The following MEF2A variants were observed in gnomAD, a reference collection of about 807,000 sequenced individuals.
The protein encoded by MEF2A is myocyte-specific enhancer factor 2A.
A neutral mutation model predicts 55.8 loss-of-function variants in MEF2A; 28 were observed. The ratio of observed to expected loss-of-function variants is 0.50; its 90% CI spans 0.37 to 0.69. The LOEUF (loss-of-function observed/expected upper bound fraction) is 0.69. Among genes scored for constraint, MEF2A ranks in the 30% least tolerant of loss-of-function variants. The pLI is 0.00. For synonymous variants in MEF2A, 239 were observed against 227.1 expected (o/e 1.05, Z -0.47); for missense variants, 528 against 626.2 (o/e 0.84, Z 1.67).
chr15:99,693,307 CAT>C (rs896454336), intron 8 of MEF2A, among the ~76,000 whole-genome samples: 3 of 152,098 alleles, frequency 2.0e-5, no homozygotes, highest in Non-Finnish European at 4.4e-5. Context: ...AATGGTATAA[CAT>C]ATTTATAATT....
intron 3 of MEF2A, among the ~76,000 whole-genome samples, chr15:99,639,284 G>A (rs1404335075): frequency 6.6e-6 from 1 of 151,920 alleles, no homozygotes. Flanking sequence ...CCACTATCAT[G>A]AATTTACATT....
chr15:99,695,780 A>C (rs2056377840), intron 8 of MEF2A, among the ~76,000 whole-genome samples: 1 of 151,544 alleles, frequency 6.6e-6, no homozygotes, highest in South Asian at 2.1e-4. Context: ...AATCACTTGA[A>C]CCCGGGAGGC....
In MEF2A at chr15:99,716,220, T is replaced by C. The variant is rs1200603219; in HGVS notation, c.*3449T>C. ...GATTTATGTATTTGGTAAATGTTTG[T>C]AGTCAACAGTTCACACAAGAAGCTG... On this transcript the variant is annotated 3_prime_UTR_variant, in exon 12 of 12. Coordinates refer to ENST00000557942, the MANE Select transcript of MEF2A (RefSeq NM_001319206.4). 1 of 225,544 alleles carries C rather than the reference T, an allele frequency of 4.4e-6. No individual in the cohort carries two copies. The highest frequency in any genetic ancestry group is 9.2e-6 in the Non-Finnish European group (1 of 109,170). 14.0% of individuals were successfully genotyped at this position (225,544 alleles called of 1,614,324 possible).
intron 3 of MEF2A, among the ~76,000 whole-genome samples, chr15:99,645,305 C>A (rs113946725): frequency 6.6e-6 from 1 of 152,202 alleles, no homozygotes; most frequent in African/African-American, 2.4e-5. Flanking sequence ...GTGCTTCACC[C>A]TCTGTAGTGG....
At chr15:99,574,753 G>A (rs1274300678) in intron 1 of MEF2A, among the ~76,000 whole-genome samples, 3 of 152,172 alleles carry the variant, frequency 2.0e-5, no homozygotes, top group Non-Finnish European at 4.4e-5. Flanking sequence ...TTGCTGTGTG[G>A]CCCCATTCCT....
intron 1 of MEF2A, among the ~76,000 whole-genome samples, chr15:99,597,226 T>C (rs1971494476): frequency 6.6e-6 from 1 of 152,160 alleles, no homozygotes; most frequent in Non-Finnish European, 1.5e-5. Context: ...GCTGAATTCT[T>C]TTTCTCAGCA....
intron 7 of MEF2A, among the ~76,000 whole-genome samples, chr15:99,682,349 G>A (rs777800590): frequency 2.6e-5 from 4 of 152,182 alleles, no homozygotes; most frequent in African/African-American, 9.7e-5. Context: ...TGTTAGGATA[G>A]TAAATTACCT....
chr15:99,648,737 A>G (rs1287557389), intron 4 of MEF2A, among the ~76,000 whole-genome samples: 1 of 152,154 alleles, frequency 6.6e-6, no homozygotes, highest in African/African-American at 2.4e-5. Flanking sequence ...GTATATTAAC[A>G]TGGCGTCTTC....
intron 3 of MEF2A, among the ~76,000 whole-genome samples, chr15:99,642,076 T>G (rs1205293257): frequency 6.6e-6 from 1 of 152,196 alleles, no homozygotes; most frequent in East Asian, 1.9e-4. Flanking sequence ...TTTTTATGTT[T>G]GAAAATGTTT....
intron 1 of MEF2A, among the ~76,000 whole-genome samples, chr15:99,572,403 T>C (rs1193165587): frequency 6.6e-6 from 1 of 152,250 alleles, no homozygotes. Flanking sequence ...TATTGCAGTC[T>C]GTCATTTTAC....
chr15:99,627,399 G>A (rs192987805), intron 2 of MEF2A, among the ~76,000 whole-genome samples: 6 of 121,948 alleles, frequency 4.9e-5, no homozygotes, highest in African/African-American at 6.6e-5. Flanking sequence ...CAGCCTGGGC[G>A]ACAGAGTGAG....
chr15:99,594,608 A>G (rs947524778), intron 1 of MEF2A, among the ~76,000 whole-genome samples: 2 of 152,024 alleles, frequency 1.3e-5, no homozygotes, highest in East Asian at 3.9e-4. Flanking sequence ...CCCTCTGTTC[A>G]TGCCTAGGTC....
chr15:99,673,451 A>T (rs2051279039), intron 5 of MEF2A, among the ~76,000 whole-genome samples: 1 of 152,230 alleles, frequency 6.6e-6, no homozygotes, highest in Admixed American at 6.5e-5. Context: ...CTACTATTGA[A>T]TAAAGTACAA....
chr15:99,616,130 G>C (rs1016265824), intron 2 of MEF2A, among the ~76,000 whole-genome samples: 1 of 151,988 alleles, frequency 6.6e-6, no homozygotes, highest in Admixed American at 6.6e-5. Context: ...TAAAATTATA[G>C]ATTGAATTTA....
chr15:99,603,803 T>G (rs1974155029), intron 2 of MEF2A, among the ~76,000 whole-genome samples: 4 of 152,200 alleles, frequency 2.6e-5, no homozygotes, highest in African/African-American at 9.6e-5. Flanking sequence ...CTTTTAAGAC[T>G]TCTGTGTCCC....
intron 4 of MEF2A, among the ~76,000 whole-genome samples, chr15:99,650,945 A>G (rs1420925148): frequency 6.6e-6 from 1 of 152,220 alleles, no homozygotes; most frequent in Non-Finnish European, 1.5e-5. Flanking sequence ...GTTATAGACT[A>G]AAAGTTTCCA....
chr15:99,589,381 TCC>T (rs1459826399), intron 1 of MEF2A, among the ~76,000 whole-genome samples: 1 of 152,174 alleles, frequency 6.6e-6, no homozygotes, highest in Non-Finnish European at 1.5e-5. Context: ...TGTGGTGATG[TCC>T]TTTCTTTTAT....
At chr15:99,663,477 A>G (rs2049027339) in intron 4 of MEF2A, among the ~76,000 whole-genome samples, 1 of 151,952 alleles carries the variant, frequency 6.6e-6, no homozygotes, top group Non-Finnish European at 1.5e-5. Flanking sequence ...AGAATCACAT[A>G]TATATATTTA....
chr15:99,588,235 G>A, intron 1 of MEF2A, among the ~76,000 whole-genome samples: 1 of 152,070 alleles, frequency 6.6e-6, no homozygotes, highest in East Asian at 1.9e-4. Context: ...TCCTGCCTCA[G>A]CCTCCTAAGT....
Sources: gnomAD v4.1 joint callset for allele counts (sites outside exome capture counted in the v4.1 genomes callset) on GRCh38, gnomAD v4.1.1 for gene constraint, MANE v1.5 for transcripts, NCBI Gene and HGNC (gene_info 2026-07-23, HGNC 2026-07-21) for gene names.